Variants in CNIH3 observed in about 807,000 individuals in gnomAD.
The protein encoded by CNIH3 is cornichon family AMPA receptor auxiliary protein 3.
A neutral mutation model predicts 24.1 loss-of-function variants in CNIH3; 14 were observed. The ratio of observed to expected loss-of-function variants is 0.58; its 90% CI spans 0.38 to 0.91. CNIH3 has a LOEUF of 0.91. Among genes scored for constraint, CNIH3 ranks in the 40% least tolerant of loss-of-function variants. The pLI is 0.00. For synonymous variants in CNIH3, 68 were observed against 73.8 expected (o/e 0.92, Z 0.40); for missense variants, 178 against 196.8 (o/e 0.90, Z 0.57).
Position 224,684,691 on chromosome 1 carries a change from G to C in CNIH3, c.151-105G>C, listed in dbSNP as rs1045074083. On this transcript the variant is annotated intron_variant, in intron 2 of 5. Coordinates refer to ENST00000272133, the MANE Select transcript of CNIH3 (RefSeq NM_152495.2). This position sits in a 1 kb window ranked among gnomAD's most constrained non-coding sequence, Gnocchi z 4.2. The stretch of plus-strand genomic sequence containing the variant: ...GGCCATGTGCCCAGGAGGGGTCTCT[G>C]GTGGCTTCTGCCTCCACTATTGGGG... 9 of 987,062 alleles carry C rather than the reference G, an allele frequency of 9.1e-6. No homozygotes were observed. In the African/African-American group the frequency reaches 1.4e-4, roughly 16 times the overall value. 61.1% of individuals were successfully genotyped at this position (987,062 alleles called of 1,614,324 possible). A position where few individuals can be genotyped will look rare whatever the true frequency, so the allele number is the denominator to read the frequency against.
intron 3 of CNIH3, among the ~76,000 whole-genome samples, chr1:224,603,530 C>G (rs1197250047): frequency 2.0e-5 from 3 of 152,172 alleles, no homozygotes; most frequent in African/African-American, 7.2e-5. Context: ...TTCAGCTCGG[C>G]AATCCCTATT....
chr1:224,658,240 A>G (rs1033445077), intron 1 of CNIH3, among the ~76,000 whole-genome samples: 1 of 152,218 alleles, frequency 6.6e-6, no homozygotes, highest in African/African-American at 2.4e-5. Context: ...ATCATGGCTC[A>G]CTGCAACCTC....
chr1:224,548,788 C>A (rs1679802716), intron 3 of CNIH3, among the ~76,000 whole-genome samples: 1 of 149,764 alleles, frequency 6.7e-6, no homozygotes, highest in South Asian at 2.1e-4. Flanking sequence ...TACACCCTGG[C>A]ACATTGTAGC....
At chr1:224,499,182 TG>T (rs747706007) in intron 1 of CNIH3, among the ~76,000 whole-genome samples, 11 of 152,272 alleles carry the variant, frequency 7.2e-5, no homozygotes, top group South Asian at 2.1e-4. Context: ...AAATGGACTT[TG>T]TTTTAAAATT....
At position 224,617,228 on chromosome 1, in the gene CNIH3, T is replaced by C. The variant is rs769046374; in HGVS notation, c.54T>C (p.Ala18=). The C allele has an allele frequency of 4.3e-6, 7 of 1,613,978 alleles. No homozygotes were observed. The highest frequency in any genetic ancestry group is 5.9e-6 in the Non-Finnish European group (7 of 1,180,002). Residue 18 remains alanine, a synonymous_variant, in exon 1 of 6, where the codon GCT becomes GCC. Coordinates refer to ENST00000272133, the MANE Select transcript of CNIH3 (RefSeq NM_152495.2). Reference sequence around the variant, plus strand: ...ACATGCTGTCTCTGGTGCTGTGCGCTGCGCTCATCTTCTTCGCCATCTGGC... The same window carrying C: ...ACATGCTGTCTCTGGTGCTGTGCGCCGCGCTCATCTTCTTCGCCATCTGGC... ...FCYMLSLVLC[A]ALIFFAIWHI... is the part of the protein sequence containing the mutation.
chr1:224,611,702 T>C (rs138831959), upstream of CNIH3: 4 of 152,380 alleles, frequency 2.6e-5, no homozygotes, highest in South Asian at 2.1e-4. Context: ...GGCTTTTCAA[T>C]GTCTACAGTA....
chr1:224,530,784 G>A (rs1267771139), intron 2 of CNIH3, among the ~76,000 whole-genome samples: 1 of 152,040 alleles, frequency 6.6e-6, no homozygotes, highest in Admixed American at 6.6e-5. Context: ...ATTTTTAGTA[G>A]AGATGGGGTT....
At chr1:224,563,431 A>G (rs1453431003) in intron 3 of CNIH3, among the ~76,000 whole-genome samples, 1 of 151,576 alleles carries the variant, frequency 6.6e-6, no homozygotes, top group Non-Finnish European at 1.5e-5. Context: ...CAGAAGAAGG[A>G]CAATACTACA....
chr1:224,682,235 C>G (rs1686437072), intron 2 of CNIH3, among the ~76,000 whole-genome samples: 1 of 152,180 alleles, frequency 6.6e-6, no homozygotes, highest in Admixed American at 6.5e-5. Context: ...TATACATAAT[C>G]TGTAATCCTC....
intron 3 of CNIH3, among the ~76,000 whole-genome samples, chr1:224,701,738 T>G (rs1007993820): frequency 1.3e-5 from 2 of 152,168 alleles, no homozygotes; most frequent in Non-Finnish European, 2.9e-5. Context: ...AGCCCTGGGA[T>G]GTAGACATCG....
intron 2 of CNIH3, among the ~76,000 whole-genome samples, chr1:224,536,242 C>G (rs1679276481): frequency 6.6e-6 from 1 of 151,378 alleles, no homozygotes; most frequent in Non-Finnish European, 1.5e-5. Flanking sequence ...TTGGTGGCAT[C>G]CCCTTTTTTT....
At chr1:224,711,549 C>T (rs1342613621) in intron 3 of CNIH3, among the ~76,000 whole-genome samples, 1 of 152,024 alleles carries the variant, frequency 6.6e-6, no homozygotes, top group African/African-American at 2.4e-5. Context: ...AATCTCAGCA[C>T]TTTGGGAGGC....
chr1:224,437,324 G>T (rs140455358), intron 1 of CNIH3, among the ~76,000 whole-genome samples: 1 of 152,178 alleles, frequency 6.6e-6, no homozygotes, highest in Non-Finnish European at 1.5e-5. Flanking sequence ...TTAAAAACGG[G>T]TCTCTATTTG....
At position 224,652,478 on chromosome 1, in the gene CNIH3, G is replaced by A. The variant is rs532574488; in HGVS notation, c.82-28480G>A. On this transcript the variant is annotated intron_variant, in intron 1 of 5. Transcript: ENST00000272133. ...GTTCCAAGCAGTGAATCAGCTTGCC[G>A]TCAGCTGGACTCTAGCCAGTTGATT... is the stretch of plus-strand genomic sequence containing the variant. Among the ~76,000 whole-genome samples, 11 of 152,274 alleles carry A rather than the reference G, an allele frequency of 7.2e-5. No homozygotes were observed. In the East Asian group the frequency reaches 1.4e-3, roughly 19 times the overall value.
At chr1:224,688,828 G>A (rs908104558) in intron 3 of CNIH3, among the ~76,000 whole-genome samples, 1 of 151,588 alleles carries the variant, frequency 6.6e-6, no homozygotes, top group African/African-American at 2.4e-5. Flanking sequence ...GGGAGGCTAA[G>A]GCAGGAGAAT....
intron 1 of CNIH3, among the ~76,000 whole-genome samples, chr1:224,488,039 T>C (rs1389057452): frequency 6.6e-6 from 1 of 152,108 alleles, no homozygotes; most frequent in Admixed American, 6.6e-5. Context: ...AGGCACTCAG[T>C]AAATAATTAT....
chr1:224,510,596 C>CAAAAAAAAAAAAAAAAAAA (rs777592587), intron 1 of CNIH3, among the ~76,000 whole-genome samples: 4 of 93,962 alleles, frequency 4.3e-5, no homozygotes, highest in African/African-American at 1.3e-4. Flanking sequence ...GACCCTGTCT[C>CAAAAAAAAAAAAAAAAAAA]AAAAAAAAAA....
chr1:224,526,015 T>G (rs1301115694), intron 2 of CNIH3, among the ~76,000 whole-genome samples: 1 of 152,102 alleles, frequency 6.6e-6, no homozygotes, highest in African/African-American at 2.4e-5. Flanking sequence ...CTCTGCGGGG[T>G]TCTCTCTCAT....
rs138768503 is a variant in CNIH3 at position 224,654,043 on chromosome 1, T to C, written c.82-26915T>C. 2.3e-4 allele frequency among the ~76,000 whole-genome samples: 35 copies of C among 151,324 alleles called. No homozygotes were observed. In the East Asian group the frequency reaches 6.6e-3, roughly 29 times the overall value. ...CTGCAGTGAGCTGTGATTGTGCCAC[T>C]GTGCTCCAGCCTGGACAACAGAGTG... On this transcript the variant is annotated intron_variant, in intron 1 of 5. Transcript: ENST00000272133.
Sources: gnomAD v4.1 joint callset for allele counts (sites outside exome capture counted in the v4.1 genomes callset) on GRCh38, gnomAD v4.1.1 for gene constraint, Gnocchi (gnomAD v3.1) non-coding constraint, MANE v1.5 for transcripts, NCBI Gene and HGNC (gene_info 2026-07-23, HGNC 2026-07-21) for gene names.